FAT3: variants seen among roughly 807,000 people sequenced by gnomAD.
The protein encoded by FAT3 is protocadherin Fat 3.
FAT3 carries 95 observed loss-of-function variants against 310.2 expected under a neutral mutation model. The ratio of observed to expected loss-of-function variants is 0.31; its 90% CI spans 0.26 to 0.36. The LOEUF is 0.36. FAT3 is among the 10% of genes least tolerant of loss of function. FAT3 has a pLI of 1.00. For synonymous variants in FAT3, 2,314 were observed against 2,192.9 expected (o/e 1.06, Z -1.54); for missense variants, 5,408 against 5,715.6 (o/e 0.95, Z 1.74).
intron 1 of FAT3, among the ~76,000 whole-genome samples, chr11:92,255,359 A>G (rs1352143659): frequency 6.6e-6 from 1 of 151,606 alleles, no homozygotes; most frequent in Non-Finnish European, 1.5e-5. Flanking sequence ...AAAAAAAGGA[A>G]AAACTCTCAG....
At chr11:92,539,454 C>T (rs1488678475) in intron 3 of FAT3, among the ~76,000 whole-genome samples, 1 of 152,102 alleles carries the variant, frequency 6.6e-6, no homozygotes, top group African/African-American at 2.4e-5. Context: ...GTTGTAATAG[C>T]TAGTAAATGA....
chr11:92,460,395 TCTAACC>T, intron 2 of FAT3, among the ~76,000 whole-genome samples: 1 of 152,230 alleles, frequency 6.6e-6, no homozygotes, highest in South Asian at 2.1e-4. Flanking sequence ...CAGGTCCAGC[TCTAACC>T]CACAGGCGAA....
At chr11:92,300,747 A>G (rs752367468) in intron 1 of FAT3, among the ~76,000 whole-genome samples, 2 of 152,150 alleles carry the variant, frequency 1.3e-5, no homozygotes, top group Non-Finnish European at 2.9e-5. Context: ...TCACTGCTGT[A>G]TTAGCTGCAG....
chr11:92,675,005 C>T (rs1943245742), intron 3 of FAT3, among the ~76,000 whole-genome samples: 1 of 152,140 alleles, frequency 6.6e-6, no homozygotes, highest in African/African-American at 2.4e-5. Context: ...AATTGATCTT[C>T]CTCTGTCTCA....
chr11:92,322,043 T>C (rs1053162625), intron 1 of FAT3, among the ~76,000 whole-genome samples: 40 of 152,118 alleles, frequency 2.6e-4, no homozygotes, highest in African/African-American at 9.7e-4. Context: ...AAAATCAGAC[T>C]CTGGTTAGAT....
chr11:92,647,182 A>T (rs932327969), intron 3 of FAT3, among the ~76,000 whole-genome samples: 2 of 152,120 alleles, frequency 1.3e-5, no homozygotes, highest in African/African-American at 4.8e-5. Flanking sequence ...CTTTTGTAGC[A>T]TGAATGGTTT....
At chr11:92,270,061 C>G (rs908295796) in intron 1 of FAT3, among the ~76,000 whole-genome samples, 1 of 152,142 alleles carries the variant, frequency 6.6e-6, no homozygotes, top group African/African-American at 2.4e-5. Flanking sequence ...CATTAAGGCT[C>G]TCTTTCCAGG....
chr11:92,361,076 G>C (rs1287983644), intron 2 of FAT3, among the ~76,000 whole-genome samples: 1 of 152,082 alleles, frequency 6.6e-6, no homozygotes, highest in Admixed American at 6.6e-5. Flanking sequence ...CCAGACTCTG[G>C]GGGAACAGCT....
intron 4 of FAT3, among the ~76,000 whole-genome samples, chr11:92,744,290 C>T (rs999333085): frequency 6.6e-5 from 10 of 152,194 alleles, no homozygotes; most frequent in African/African-American, 2.2e-4. Flanking sequence ...ACCTCTGCTG[C>T]TCTGAATGTT....
chr11:92,293,854 G>A (rs1946776222), intron 1 of FAT3, among the ~76,000 whole-genome samples: 2 of 151,958 alleles, frequency 1.3e-5, no homozygotes, highest in South Asian at 4.1e-4. Context: ...GTAGAGAAAG[G>A]AAGTTTTATG....
chr11:92,601,553 C>T (rs1224864579), intron 3 of FAT3, among the ~76,000 whole-genome samples: 1 of 152,124 alleles, frequency 6.6e-6, no homozygotes, highest in Non-Finnish European at 1.5e-5. Flanking sequence ...CGAGGTCGCA[C>T]ACCACTGCAC....
chr11:92,648,677 C>G (rs1942255096), intron 3 of FAT3, among the ~76,000 whole-genome samples: 1 of 152,198 alleles, frequency 6.6e-6, no homozygotes, highest in South Asian at 2.1e-4. Flanking sequence ...AAGCTACATG[C>G]TCATCTCCAC....
In FAT3 at chr11:92,527,732, C is replaced by T. The variant is rs1025792791; in HGVS notation, c.3607+2784C>T. Among the ~76,000 whole-genome samples the T allele has an allele frequency of 2.0e-5, 3 of 152,158 alleles. No homozygotes were observed. The East Asian group carries it at 5.8e-4, about 29-fold the overall frequency. On this transcript the variant is annotated intron_variant, in intron 3 of 27. Transcript: ENST00000525166. ...GAAGTCTTAATTTTTGGCATTTCTTCCTGACTCTAAAGTCATTTGTCTGAA... is the reference window on the plus strand; with the variant it reads ...GAAGTCTTAATTTTTGGCATTTCTTTCTGACTCTAAAGTCATTTGTCTGAA...
rs1947623297 is a variant in FAT3, at chr11:92,809,960, A to G, written c.9365A>G (p.Glu3122Gly). The G allele has an allele frequency of 1.2e-6, 2 of 1,613,872 alleles. No homozygotes were observed. Among genetic ancestry groups the G allele is most frequent in the African/African-American group, 2.7e-5 (2 of 75,032 alleles). Residue 3122 changes from glutamate to glycine, a missense_variant, in exon 13 of 28, where the codon GAG becomes GGG. By Grantham distance (98) the Glu-to-Gly change is moderately conservative (BLOSUM62 -2). Transcript: ENST00000525166. ...FCQSNIHLILEDVNDNPPVFS... is the reference protein window; with the variant it reads ...FCQSNIHLILGDVNDNPPVFS... ...CAGTCCAACATCCACCTAATCCTGG[A>G]GGATGTGAATGATAACCCCCCTGTG...
intron 3 of FAT3, among the ~76,000 whole-genome samples, chr11:92,560,114 A>C (rs1371975071): frequency 6.6e-6 from 1 of 152,114 alleles, no homozygotes; most frequent in East Asian, 1.9e-4. Flanking sequence ...ACACTCCTTA[A>C]AACTCATCTG....
chr11:92,874,608 C>T (rs542316059), intron 22 of FAT3, among the ~76,000 whole-genome samples: 52 of 152,196 alleles, frequency 3.4e-4, no homozygotes, highest in Non-Finnish European at 6.0e-4. Flanking sequence ...GGCGTGATCT[C>T]GGCTCACCAC....
chr11:92,836,722 G>A lies in FAT3; in HGVS notation c.10224+19G>A, dbSNP rs751639490. Reference sequence around the variant, plus strand: ...GGAACGGGTAAGCTAGTTTAGGACAGTTTCCTTCCCATCCACATCCACCAC... The same window carrying A: ...GGAACGGGTAAGCTAGTTTAGGACAATTTCCTTCCCATCCACATCCACCAC... On this transcript the variant is annotated intron_variant, in intron 16 of 27. Transcript: ENST00000525166. The A allele has an allele frequency of 6.2e-7, 1 of 1,606,884 alleles. No individual in the cohort carries two copies. Among genetic ancestry groups the A allele is most frequent in the African/African-American group, 1.3e-5 (1 of 74,686 alleles).
At chr11:92,718,157 C>T (rs766649295) in intron 4 of FAT3, among the ~76,000 whole-genome samples, 16 of 152,212 alleles carry the variant, frequency 1.1e-4, no homozygotes, top group Non-Finnish European at 2.1e-4. Flanking sequence ...GACCAGTTTT[C>T]ATGATGTGGT....
intron 22 of FAT3, among the ~76,000 whole-genome samples, chr11:92,871,046 C>CA (rs1693321495): frequency 6.6e-6 from 1 of 152,160 alleles, no homozygotes; most frequent in Non-Finnish European, 1.5e-5. Context: ...CAGTGGCTCA[C>CA]ACCTGTAATC....
Sources: allele counts gnomAD v4.1 joint callset (sites outside exome capture counted in the v4.1 genomes callset), GRCh38; gene constraint gnomAD v4.1.1; transcripts MANE v1.5; gene names NCBI Gene and HGNC (gene_info 2026-07-23, HGNC 2026-07-21).